Variants in ERC1 observed in about 807,000 individuals in gnomAD.
ERC1 encodes the protein ELKS/RAB6-interacting/CAST family member 1.
ERC1 carries 56 observed loss-of-function variants against 132.0 expected under a neutral mutation model. The observed-to-expected ratio is 0.42, with a 90% confidence interval of 0.34 to 0.53. ERC1 has a LOEUF of 0.53. ERC1 is among the 20% of genes least tolerant of loss of function. The probability of loss-of-function intolerance (pLI) is 0.03; values close to 1 mark genes in which losing one functional copy is unlikely to be tolerated. For missense variants in ERC1, 1,202 were observed against 1,349.9 expected (o/e 0.89, Z 1.72); for synonymous variants, 478 against 476.1 (o/e 1.00, Z -0.05).
At chr12:1,072,136 G>A (rs1442795056) in intron 2 of ERC1, among the ~76,000 whole-genome samples, 4 of 151,420 alleles carry the variant, frequency 2.6e-5, no homozygotes, top group Non-Finnish European at 1.5e-5. Flanking sequence ...GTCAGCTGAA[G>A]TGATATGAAA....
intron 17 of ERC1, among the ~76,000 whole-genome samples, chr12:1,418,666 T>C (rs543060879): frequency 8.8e-4 from 76 of 86,784 alleles, no homozygotes; most frequent in Middle Eastern, 5.3e-3. Flanking sequence ...TCTCTCTTTC[T>C]TTTCTTTCTT....
intron 1 of ERC1, among the ~76,000 whole-genome samples, chr12:1,015,534 T>G (rs949713336): frequency 8.5e-5 from 13 of 152,220 alleles, no homozygotes; most frequent in African/African-American, 3.1e-4. Context: ...CATTGCACAT[T>G]ATGTCCTTGA....
intron 15 of ERC1, among the ~76,000 whole-genome samples, chr12:1,329,294 A>C (rs2082696770): frequency 7.7e-6 from 1 of 129,560 alleles, no homozygotes; most frequent in Non-Finnish European, 1.7e-5. Context: ...ACTCTGAATC[A>C]AAAAAAAAAA....
chr12:1,424,985 C>G (rs1024426701), intron 17 of ERC1, among the ~76,000 whole-genome samples: 1 of 152,104 alleles, frequency 6.6e-6, no homozygotes, highest in African/African-American at 2.4e-5. Flanking sequence ...TGGCTTGAGA[C>G]CTCAAGAAGC....
At chr12:1,384,643 A>G (rs929016509) in intron 16 of ERC1, among the ~76,000 whole-genome samples, 1 of 152,206 alleles carries the variant, frequency 6.6e-6, no homozygotes, top group Non-Finnish European at 1.5e-5. Flanking sequence ...ACTGTTGAAG[A>G]AAGAACATCT....
chr12:1,310,500 C>T (rs1466727716), intron 15 of ERC1, among the ~76,000 whole-genome samples: 2 of 152,154 alleles, frequency 1.3e-5, no homozygotes, highest in Non-Finnish European at 2.9e-5. Flanking sequence ...GGAGCCACAC[C>T]GCGCCTGGCC....
chr12:1,084,005 T>A (rs1404633585), intron 3 of ERC1, among the ~76,000 whole-genome samples: 1 of 152,216 alleles, frequency 6.6e-6, no homozygotes, highest in East Asian at 1.9e-4. Context: ...CTTATAAAAG[T>A]CCTTGGCAGC....
chr12:1,453,984 T>G (rs988986185), intron 18 of ERC1, among the ~76,000 whole-genome samples: 2 of 152,026 alleles, frequency 1.3e-5, no homozygotes, highest in Admixed American at 1.3e-4. Flanking sequence ...GGCTGGGAGC[T>G]CTGGATGGAG....
At chr12:1,311,406 G>T (rs528933622) in intron 15 of ERC1, among the ~76,000 whole-genome samples, 1 of 152,184 alleles carries the variant, frequency 6.6e-6, no homozygotes, top group Non-Finnish European at 1.5e-5. Flanking sequence ...AGAGGTATGA[G>T]ATCAGCCTTA....
At chr12:1,046,735 T>G (rs572774297) in intron 2 of ERC1, among the ~76,000 whole-genome samples, 3 of 152,292 alleles carry the variant, frequency 2.0e-5, no homozygotes, top group African/African-American at 7.2e-5. Context: ...ATAACAATTT[T>G]ATGAGGTAGG....
intron 7 of ERC1, among the ~76,000 whole-genome samples, chr12:1,127,003 A>AC (rs1393699364): frequency 1.7e-4 from 17 of 97,202 alleles, no homozygotes; most frequent in African/African-American, 4.0e-4. Flanking sequence ...AAAAAAAAAA[A>AC]AAAAAAAAAA....
At chr12:1,093,955 T>TTTTATATATATATATATA (rs1469024496) in intron 3 of ERC1, among the ~76,000 whole-genome samples, 2 of 16,132 alleles carry the variant, frequency 1.2e-4, no homozygotes, top group East Asian at 4.0e-3. Context: ...ATATATATTT[T>TTTTATATATATATATATA]TCTATATATA....
intron 18 of ERC1, among the ~76,000 whole-genome samples, chr12:1,466,728 T>C (rs1274021881): frequency 1.3e-5 from 2 of 152,164 alleles, no homozygotes; most frequent in Non-Finnish European, 2.9e-5. Context: ...CAATAAAGAA[T>C]GCTGTAAGAA....
At chr12:1,481,845 C>G (rs938761688) in intron 18 of ERC1, among the ~76,000 whole-genome samples, 5 of 152,118 alleles carry the variant, frequency 3.3e-5, no homozygotes, top group African/African-American at 1.2e-4. Flanking sequence ...ATCACTGTCC[C>G]CCTTCTTGTT....
At chr12:1,142,329 ATTG>A (rs1949932449) in intron 8 of ERC1, among the ~76,000 whole-genome samples, 1 of 152,194 alleles carries the variant, frequency 6.6e-6, no homozygotes, top group African/African-American at 2.4e-5. Flanking sequence ...GGGTTTCTTC[ATTG>A]TTGTTACTAA....
Position 1,243,788 on chromosome 12 carries a change from C to T in ERC1, c.2487+6884C>T, listed in dbSNP as rs542145542. Among the ~76,000 whole-genome samples the T allele has an allele frequency of 1.6e-4, 25 of 152,266 alleles. No homozygotes were observed. In the South Asian group the frequency reaches 4.4e-3, roughly 27 times the overall value. ...ATAGCCCCCACGGCAAAGAATTTCT[C>T]GGCCCACACTGCAAATAGTGCTGAA... is the stretch of plus-strand genomic sequence containing the variant. On this transcript the variant is annotated intron_variant, in intron 13 of 18. Coordinates refer to ENST00000360905, the MANE Select transcript of ERC1 (RefSeq NM_178040.4).
intron 2 of ERC1, among the ~76,000 whole-genome samples, chr12:1,076,063 C>T (rs1178744984): frequency 6.6e-6 from 1 of 152,138 alleles, no homozygotes; most frequent in Non-Finnish European, 1.5e-5. Context: ...AAAATAAATG[C>T]TTTATCTGTG....
At chr12:1,394,169 G>A (rs997417858) in intron 16 of ERC1, among the ~76,000 whole-genome samples, 3 of 151,938 alleles carry the variant, frequency 2.0e-5, no homozygotes, top group South Asian at 2.1e-4. Flanking sequence ...GGGAGGCCAA[G>A]GCGGGCAGAT....
intron 1 of ERC1, among the ~76,000 whole-genome samples, chr12:1,005,153 A>T (rs1457737595): frequency 6.6e-6 from 1 of 152,084 alleles, no homozygotes; most frequent in African/African-American, 2.4e-5. Flanking sequence ...ATTTTTAAAG[A>T]AATCTTTATT....
Sources: gnomAD v4.1 joint callset for allele counts (sites outside exome capture counted in the v4.1 genomes callset) on GRCh38, gnomAD v4.1.1 for gene constraint, MANE v1.5 for transcripts, NCBI Gene and HGNC (gene_info 2026-07-23, HGNC 2026-07-21) for gene names.